STPG1: variants seen among roughly 807,000 people sequenced by gnomAD.
STPG1 encodes O(6)-methylguanine-induced apoptosis 2.
A neutral mutation model predicts 40.1 loss-of-function variants in STPG1; 33 were observed. The ratio of observed to expected loss-of-function variants is 0.82; its 90% confidence interval spans 0.62 to 1.10. The LOEUF (loss-of-function observed/expected upper bound fraction) is 1.10. Ranked by LOEUF, STPG1 falls within the 50% of genes least tolerant of loss-of-function variation. STPG1 has a pLI of 0.00. For missense variants in STPG1, 396 were observed against 415.1 expected, an observed-to-expected ratio of 0.95 and a Z score of 0.40; for synonymous variants, 150 against 155.0, an observed-to-expected ratio of 0.97 and a Z score of 0.24.
chr1:24,403,453 C>A (rs1453207789), intron 1 of STPG1, among the ~76,000 whole-genome samples: 1 of 152,064 alleles, frequency 6.6e-6, no homozygotes, highest in African/African-American at 2.4e-5. Context: ...CTTGTACTAG[C>A]CCTTTTGAAT....
At chr1:24,382,479 TG>T (rs1642330126) in intron 4 of STPG1, among the ~76,000 whole-genome samples, 1 of 152,158 alleles carries the variant, frequency 6.6e-6, no homozygotes. Flanking sequence ...AAGGGTGACG[TG>T]CTTGAGGTCA....
chr1:24,358,881 A>G (rs1044460988), intron 8 of STPG1, among the ~76,000 whole-genome samples: 1 of 152,164 alleles, frequency 6.6e-6, no homozygotes, highest in African/African-American at 2.4e-5. Flanking sequence ...ACTATTTTCT[A>G]TGAAATTCGA....
At chr1:24,364,487 GC>G in intron 7 of STPG1, 1 of 1,383,962 alleles carries the variant, frequency 7.2e-7, no homozygotes, top group Non-Finnish European at 9.4e-7. Flanking sequence ...TTAAAATGTT[GC>G]ATTTTCTATG....
chr1:24,402,238 C>A (rs889988342), intron 1 of STPG1, among the ~76,000 whole-genome samples: 3 of 152,040 alleles, frequency 2.0e-5, no homozygotes, highest in African/African-American at 7.3e-5. Flanking sequence ...ATCATAGACA[C>A]TCTTTTTTCA....
chr1:24,388,994 C>T (rs1439467299), intron 3 of STPG1, among the ~76,000 whole-genome samples: 3 of 152,146 alleles, frequency 2.0e-5, no homozygotes, highest in African/African-American at 4.8e-5. Context: ...GGATCCCCTG[C>T]CCTTTCCATA....
intron 4 of STPG1, among the ~76,000 whole-genome samples, chr1:24,382,673 T>C (rs1327133886): frequency 6.6e-6 from 1 of 152,172 alleles, no homozygotes; most frequent in South Asian, 2.1e-4. Flanking sequence ...TCTTCGGTAA[T>C]GGGGAGTTAA....
intron 3 of STPG1, among the ~76,000 whole-genome samples, chr1:24,386,956 A>G (rs1161234956): frequency 3.3e-5 from 5 of 152,238 alleles, no homozygotes; most frequent in Non-Finnish European, 7.3e-5. Flanking sequence ...TGAAGGGGTC[A>G]ATACACATAA....
chr1:24,364,244 GT>G, intron 7 of STPG1: 1 of 1,548,406 alleles, frequency 6.5e-7, no homozygotes, highest in Non-Finnish European at 8.7e-7. Context: ...TGTCTTGAAT[GT>G]TCCCATCCTG....
intron 1 of STPG1, among the ~76,000 whole-genome samples, chr1:24,412,485 G>A (rs1643735037): frequency 6.7e-6 from 1 of 149,496 alleles, no homozygotes; most frequent in African/African-American, 2.5e-5. Flanking sequence ...TATATTGTAT[G>A]TTTATTACTT....
rs948864861 is a variant in STPG1 at position 24,359,196 on chromosome 1, C to T, written c.929-577G>A. Among the ~76,000 whole-genome samples, 4 of 152,182 alleles carry T rather than the reference C, an allele frequency of 2.6e-5. No individual in the cohort carries two copies. Among genetic ancestry groups the T allele is most frequent in the Non-Finnish European group, 5.9e-5 (4 of 68,040 alleles). On this transcript the variant is annotated intron_variant, in intron 8 of 8. Coordinates refer to ENST00000337248, the MANE Select transcript of STPG1 (RefSeq NM_001199013.2). This position sits in a 1 kb window ranked among gnomAD's most constrained non-coding sequence, Gnocchi z 5.3. ...TACTGGAAGCTGAGCAGGCAGATGC[C>T]GGCACGTGCACGTGCCCAGGAAACC...
At chr1:24,390,607 T>C (rs2148704680) in intron 3 of STPG1, among the ~76,000 whole-genome samples, 1 of 152,106 alleles carries the variant, frequency 6.6e-6, no homozygotes, top group South Asian at 2.1e-4. Context: ...TTAGTAGAGA[T>C]GGGGTTTCAC....
At chr1:24,412,426 C>G (rs921973773) in intron 1 of STPG1, among the ~76,000 whole-genome samples, 2 of 152,208 alleles carry the variant, frequency 1.3e-5, no homozygotes, top group Admixed American at 1.3e-4. Flanking sequence ...CTCTCTCTAG[C>G]CCCTTACTCT....
rs368254684 is a variant in STPG1 at position 24,359,448 on chromosome 1, G to A, written c.929-829C>T. On this transcript the variant is annotated intron_variant, in intron 8 of 8. Coordinates refer to ENST00000337248, the MANE Select transcript of STPG1 (RefSeq NM_001199013.2). This position sits in a 1 kb window ranked among gnomAD's most constrained non-coding sequence, Gnocchi z 5.3. ...ATGTTTGCAATGCTGAGTTCTCCTC[G>A]ACTGACTAGATGAGCCCCAGATCAA... Among the ~76,000 whole-genome samples the A allele has an allele frequency of 3.9e-5, 6 of 152,178 alleles. No individual in the cohort carries two copies. Among genetic ancestry groups the A allele is most frequent in the African/African-American group, 1.4e-4 (6 of 41,430 alleles).
intron 3 of STPG1, among the ~76,000 whole-genome samples, chr1:24,390,334 C>G (rs565753108): frequency 1.3e-5 from 2 of 152,232 alleles, no homozygotes; most frequent in African/African-American, 4.8e-5. Flanking sequence ...GCAGAACTTT[C>G]CAGGTTAGAG....
At chr1:24,382,474 T>C (rs1642329745) in intron 4 of STPG1, among the ~76,000 whole-genome samples, 1 of 152,162 alleles carries the variant, frequency 6.6e-6, no homozygotes, top group South Asian at 2.1e-4. Context: ...CACAGAAGGG[T>C]GACGTGCTTG....
At chr1:24,369,936 G>T in intron 6 of STPG1, 97 bp from the exon 7 acceptor site, 3 of 1,089,280 alleles carry the variant, frequency 2.8e-6, no homozygotes, top group Non-Finnish European at 3.9e-6. Context: ...TGGCTGCAAG[G>T]CACCATCACT....
chr1:24,402,017 C>T (rs1337471034), intron 1 of STPG1, among the ~76,000 whole-genome samples: 1 of 152,136 alleles, frequency 6.6e-6, no homozygotes, highest in Non-Finnish European at 1.5e-5. Flanking sequence ...TTTACTGAGA[C>T]ATAATGTATA....
At position 24,394,869 on chromosome 1, in the gene STPG1, A is replaced by G. The variant is rs72880676; in HGVS notation, c.71-3190T>C. Among the ~76,000 whole-genome samples the G allele has an allele frequency of 8.2e-3, 1,242 of 152,246 alleles. 15 individuals are homozygous for G. Among genetic ancestry groups the G allele is most frequent in the African/African-American group, 0.025 (1,026 of 41,560 alleles). ...ATATATGTAATCAGGCTCTCAAAAA[A>G]AGAAATATGAGGAGAGAAGAAATAG... On this transcript the variant is annotated intron_variant, in intron 2 of 8. Transcript: ENST00000337248.
intron 6 of STPG1, among the ~76,000 whole-genome samples, chr1:24,370,048 C>A (rs948269665): frequency 6.6e-6 from 1 of 152,168 alleles, no homozygotes; most frequent in African/African-American, 2.4e-5. Context: ...TGATTTAGTT[C>A]TCGCACTAGC....
Sources: allele counts gnomAD v4.1 joint callset (sites outside exome capture counted in the v4.1 genomes callset), GRCh38; gene constraint gnomAD v4.1.1; non-coding constraint Gnocchi (gnomAD v3.1); transcripts MANE v1.5; gene names NCBI Gene and HGNC (gene_info 2026-07-23, HGNC 2026-07-21).